DNAH9: variants seen among roughly 807,000 people sequenced by gnomAD.
DNAH9 encodes the protein dynein axonemal heavy chain 9.
DNAH9 carries 345 observed loss-of-function variants against 471.6 expected under a neutral mutation model. The ratio of observed to expected loss-of-function variants is 0.73; its 90% CI spans 0.67 to 0.80. The LOEUF is 0.80. Among genes scored for constraint, DNAH9 ranks in the 30% least tolerant of loss-of-function variants. The pLI, the probability that DNAH9 is intolerant of heterozygous loss-of-function variation, is 0.00. For synonymous variants in DNAH9, 2,093 were observed against 2,123.6 expected, an observed-to-expected ratio of 0.99 and a Z score of 0.40; for missense variants, 5,407 against 5,609.2, an observed-to-expected ratio of 0.96 and a Z score of 1.15.
chr17:11,832,123 C>T (rs1406651508), intron 48 of DNAH9, among the ~76,000 whole-genome samples: 1 of 152,184 alleles, frequency 6.6e-6, no homozygotes, highest in East Asian at 1.9e-4. Flanking sequence ...ACCATTTCAA[C>T]TTCCCATTCT....
At chr17:11,606,269 C>A (rs946761371) in intron 1 of DNAH9, among the ~76,000 whole-genome samples, 1 of 151,950 alleles carries the variant, frequency 6.6e-6, no homozygotes, top group Admixed American at 6.6e-5. Context: ...TGATCATAAC[C>A]CAGCCAGTCA....
At chr17:11,810,440 T>A in intron 45 of DNAH9, 71 bp downstream of exon 45, 1 of 1,549,064 alleles carries the variant, frequency 6.5e-7, no homozygotes, top group Non-Finnish European at 8.7e-7. Context: ...AAGGTGAAGA[T>A]TTCGTCCAGG....
chr17:11,850,796 C>G (rs188186317), intron 49 of DNAH9, among the ~76,000 whole-genome samples: 14 of 152,168 alleles, frequency 9.2e-5, no homozygotes, highest in African/African-American at 3.4e-4. Flanking sequence ...TTTTGACTTG[C>G]ATTGGATAAA....
chr17:11,757,744 A>G, intron 35 of DNAH9, 52 bp downstream of exon 35: 1 of 1,582,252 alleles, frequency 6.3e-7, no homozygotes, highest in East Asian at 2.2e-5. Context: ...TAAAAAGCCC[A>G]TGGGTTCACA....
chr17:11,932,806 T>C lies in DNAH9; in HGVS notation c.12297+601T>C, dbSNP rs558214698. Among the ~76,000 whole-genome samples, 1 of 145,278 alleles carries C rather than the reference T, an allele frequency of 6.9e-6. No homozygotes were observed. The highest frequency in any genetic ancestry group is 2.6e-5 in the African/African-American group (1 of 38,924). On this transcript the variant is annotated intron_variant, in intron 64 of 68. Transcript: ENST00000262442. This position sits in a 1 kb window ranked among gnomAD's most constrained non-coding sequence, Gnocchi z 4.3. ...CGGGCCCCACCAGACCATACCTATG[T>C]CTTCACAGCATGGCAGGTAGACTGT...
intron 60 of DNAH9, among the ~76,000 whole-genome samples, chr17:11,904,108 A>G (rs1773392249): frequency 6.6e-6 from 1 of 152,198 alleles, no homozygotes; most frequent in African/African-American, 2.4e-5. Flanking sequence ...AATGACAACG[A>G]TGAGCATGTG....
At chr17:11,601,031 T>C (rs2072374850) in intron 1 of DNAH9, among the ~76,000 whole-genome samples, 1 of 152,238 alleles carries the variant, frequency 6.6e-6, no homozygotes, top group African/African-American at 2.4e-5. Flanking sequence ...ACTCATCATA[T>C]AAGTGGAATC....
chr17:11,962,312 T>G lies in DNAH9; in HGVS notation c.13233+56T>G. 6.6e-7 allele frequency: 1 copy of G among 1,517,088 alleles called. No individual in the cohort carries two copies. The highest frequency in any genetic ancestry group is 8.8e-7 in the Non-Finnish European group (1 of 1,138,616). 94.0% of individuals were successfully genotyped at this position (1,517,088 alleles called of 1,614,324 possible). A position where few individuals can be genotyped will look rare whatever the true frequency, so the allele number is the denominator to read the frequency against. ...TTCTGGGGGCTGATTAAATACACAT[T>G]GCTTCCTATGAAGTGTGACTACTAA... On this transcript the variant is annotated intron_variant, in intron 68 of 68. Coordinates refer to ENST00000262442, the MANE Select transcript of DNAH9 (RefSeq NM_001372.4). This position sits in a 1 kb window ranked among gnomAD's most constrained non-coding sequence, Gnocchi z 4.1.
chr17:11,704,540 A>AC, intron 25 of DNAH9, 98 bp downstream of exon 25: 8 of 1,170,836 alleles, frequency 6.8e-6, no homozygotes, highest in South Asian at 3.1e-5. Flanking sequence ...TCTGTACAGC[A>AC]CTGACCAGAC....
chr17:11,660,951 A>G (rs1209624202), intron 14 of DNAH9, among the ~76,000 whole-genome samples: 1 of 152,162 alleles, frequency 6.6e-6, no homozygotes, highest in Non-Finnish European at 1.5e-5. Context: ...TGTTCTATCA[A>G]TTATTGAAGG....
chr17:11,800,406 C>T (rs1330399457), intron 43 of DNAH9, among the ~76,000 whole-genome samples: 1 of 151,894 alleles, frequency 6.6e-6, no homozygotes, highest in Non-Finnish European at 1.5e-5. Flanking sequence ...TTCTCTCTCC[C>T]CTCTTTTATC....
intron 45 of DNAH9, among the ~76,000 whole-genome samples, chr17:11,819,452 C>G (rs1970231323): frequency 3.9e-5 from 6 of 151,948 alleles, no homozygotes; most frequent in Admixed American, 3.3e-4. Context: ...AAGTCTTGCT[C>G]TGAAGCGCAG....
chr17:11,888,376 C>A (rs768114776), intron 57 of DNAH9, among the ~76,000 whole-genome samples: 12 of 152,112 alleles, frequency 7.9e-5, no homozygotes, highest in South Asian at 4.1e-4. Context: ...TTTAAAACAG[C>A]ATAAAAATTG....
At position 11,608,240 on chromosome 17, in the gene DNAH9, C is replaced by T. The variant is rs771478866; in HGVS notation, c.529C>T (p.Leu177Phe). ...CCTCCAATGTGACCTCTCAGTTATA[C>T]TTGAGCAAGTGAAGGGAAAAACTTT... ...HSLQCDLSVI[L>F]EQVKGKTLLP... Residue 177 changes from leucine (L) to phenylalanine (F), a missense_variant, in exon 2 of 69, where the codon CTT becomes TTT. Physicochemically the swap from Leu to Phe is conservative, Grantham distance 22. Around this residue, in one of 3 missense-constraint regions of DNAH9, gnomAD observed 767 missense variants for 692.5 expected, o/e 1.11. Transcript: ENST00000262442. 3.1e-6 allele frequency: 5 copies of T among 1,613,860 alleles called. No homozygotes were observed. Among genetic ancestry groups the T allele is most frequent in the Non-Finnish European group, 4.2e-6 (5 of 1,179,878 alleles).
chr17:11,910,505 C>T (rs1216665794), intron 61 of DNAH9, among the ~76,000 whole-genome samples: 3 of 152,124 alleles, frequency 2.0e-5, no homozygotes, highest in African/African-American at 7.2e-5. Flanking sequence ...ATAAATGATG[C>T]TTCTATGAAC....
intron 48 of DNAH9, among the ~76,000 whole-genome samples, chr17:11,833,695 A>G (rs1032207267): frequency 1.3e-5 from 2 of 152,186 alleles, no homozygotes. Context: ...CCGACTTCCT[A>G]CAAGTCTGAC....
intron 49 of DNAH9, among the ~76,000 whole-genome samples, chr17:11,847,090 T>G (rs1383984751): frequency 1.3e-5 from 2 of 152,232 alleles, no homozygotes; most frequent in Non-Finnish European, 2.9e-5. Context: ...TTTAAGTTCC[T>G]TATAGCTGCT....
intron 67 of DNAH9, among the ~76,000 whole-genome samples, chr17:11,942,964 C>T (rs1440960118): frequency 7.0e-6 from 1 of 143,848 alleles, no homozygotes; most frequent in Admixed American, 7.3e-5. Context: ...GGTGTGATCT[C>T]GGCTCACTGC....
At chr17:11,956,391 T>C (rs757360928) in intron 67 of DNAH9, among the ~76,000 whole-genome samples, 7 of 152,276 alleles carry the variant, frequency 4.6e-5, no homozygotes, top group East Asian at 1.9e-4. Context: ...TCCATAATTA[T>C]AGTTGGTTTC....
Sources: allele counts gnomAD v4.1 joint callset (sites outside exome capture counted in the v4.1 genomes callset), GRCh38; gene constraint gnomAD v4.1.1; regional missense constraint gnomAD v4.1.1; non-coding constraint Gnocchi (gnomAD v3.1); transcripts MANE v1.5; gene names NCBI Gene and HGNC (gene_info 2026-07-23, HGNC 2026-07-21).